Variants in ATXN1 observed in about 807,000 individuals in gnomAD.
ATXN1 encodes the protein ataxin 1, also known as ataxin-1.
In ATXN1, 8 loss-of-function variants were observed where a neutral mutation model predicts 56.4. The ratio of observed to expected loss-of-function variants is 0.14; its 90% CI spans 0.08 to 0.26. ATXN1 has a LOEUF of 0.26. Ranked by LOEUF, ATXN1 falls within the 10% of genes least tolerant of loss-of-function variation. The probability of loss-of-function intolerance (pLI) is 1.00; values close to 1 mark genes in which losing one functional copy is unlikely to be tolerated. For synonymous variants in ATXN1, 514 were observed against 494.6 expected (o/e 1.04, Z -0.52); for missense variants, 987 against 1,106.5 (o/e 0.89, Z 1.53).
intron 5 of ATXN1, among the ~76,000 whole-genome samples, chr6:16,517,691 A>ATT (rs1453337246): frequency 6.6e-6 from 1 of 152,322 alleles, no homozygotes; most frequent in East Asian, 1.9e-4. Flanking sequence ...AGTACATACA[A>ATT]ATACATATGC....
intron 2 of ATXN1, among the ~76,000 whole-genome samples, chr6:16,750,508 G>A (rs1760678101): frequency 6.6e-6 from 1 of 152,156 alleles, no homozygotes; most frequent in Admixed American, 6.5e-5. Context: ...TCAATCGTGA[G>A]GACTGTAATG....
chr6:16,540,086 A>G (rs1761683201), intron 4 of ATXN1, among the ~76,000 whole-genome samples: 1 of 152,216 alleles, frequency 6.6e-6, no homozygotes, highest in South Asian at 2.1e-4. Context: ...TGGGGAAGAG[A>G]AAACTGGAAG....
chr6:16,707,777 A>G (rs1395188467), intron 2 of ATXN1, among the ~76,000 whole-genome samples: 1 of 152,130 alleles, frequency 6.6e-6, no homozygotes, highest in Non-Finnish European at 1.5e-5. Flanking sequence ...AATTACTGAT[A>G]ATTTTTAGAC....
At position 16,616,547 on chromosome 6, in the gene ATXN1, A is replaced by ATATATAATATATTTTATATATAG. The variant is rs994785944; in HGVS notation, c.-488-30663_-488-30641dup. On this transcript the variant is annotated intron_variant, in intron 3 of 7. Transcript: ENST00000436367. ...AGAAGGAGACTGTGTCTCAAAAAAT[A>ATATATAATATATTTTATATATAG]TATATAATATATTTTATATATAGTA... 3.4e-5 allele frequency among the ~76,000 whole-genome samples: 5 copies of ATATATAATATATTTTATATATAG among 146,464 alleles called. No individual in the cohort carries two copies. The East Asian group carries it at 7.8e-4, about 23-fold the overall frequency.
intron 2 of ATXN1, among the ~76,000 whole-genome samples, chr6:16,674,100 C>T (rs1276600506): frequency 6.6e-6 from 1 of 152,056 alleles, no homozygotes; most frequent in Non-Finnish European, 1.5e-5. Context: ...TCAAATGAGT[C>T]TCCCAAGGAT....
intron 2 of ATXN1, among the ~76,000 whole-genome samples, chr6:16,751,050 C>T (rs1203856231): frequency 6.6e-6 from 1 of 150,716 alleles, no homozygotes; most frequent in East Asian, 2.0e-4. Context: ...CTCACTGCAA[C>T]CTCTGCCTCC....
chr6:16,758,483 T>C (rs1405877090), intron 1 of ATXN1, among the ~76,000 whole-genome samples: 1 of 152,236 alleles, frequency 6.6e-6, no homozygotes, highest in Non-Finnish European at 1.5e-5. Flanking sequence ...AACAGCTTGT[T>C]GGTCTCCTTT....
At chr6:16,612,452 G>A (rs1280753692) in intron 3 of ATXN1, among the ~76,000 whole-genome samples, 3 of 152,028 alleles carry the variant, frequency 2.0e-5, no homozygotes, top group African/African-American at 7.2e-5. Flanking sequence ...GAGTATAAAA[G>A]ATAATAAATT....
intron 2 of ATXN1, among the ~76,000 whole-genome samples, chr6:16,744,930 A>T (rs1760473793): frequency 6.6e-6 from 1 of 152,238 alleles, no homozygotes; most frequent in African/African-American, 2.4e-5. Context: ...TGTAGCAAAT[A>T]GGACTTTTTA....
chr6:16,444,884 A>C (rs1316747721), intron 6 of ATXN1, among the ~76,000 whole-genome samples: 1 of 152,210 alleles, frequency 6.6e-6, no homozygotes, highest in Non-Finnish European at 1.5e-5. Context: ...AAAGCAAACA[A>C]AACAATGCCT....
In ATXN1 at chr6:16,642,748, A is replaced by G. The variant is rs981453924; in HGVS notation, c.-489+15028T>C. ...GCAGCCATCAACGTAAAGACCCTTT[A>G]CCAACAAAACGATTATGGTTCAATG... On this transcript the variant is annotated intron_variant, in intron 3 of 7. Transcript: ENST00000436367. Among the ~76,000 whole-genome samples, 5 of 152,366 alleles carry G rather than the reference A, an allele frequency of 3.3e-5. No individual in the cohort carries two copies. In the East Asian group the frequency reaches 9.6e-4, roughly 29 times the overall value.
chr6:16,559,581 T>C (rs1165419895), intron 4 of ATXN1, among the ~76,000 whole-genome samples: 2 of 152,184 alleles, frequency 1.3e-5, no homozygotes, highest in Non-Finnish European at 2.9e-5. Flanking sequence ...TATTTTTGCT[T>C]ATATAATCAT....
rs566775793 is a variant in ATXN1 at position 16,404,701 on chromosome 6, C to T, written c.-160-76231G>A. Among the ~76,000 whole-genome samples, 135 of 132,140 alleles carry T rather than the reference C, an allele frequency of 1.0e-3. 1 individual carries two copies. The highest frequency in any genetic ancestry group is 4.2e-4 in the Admixed American group (6 of 14,376). The allele number at this position is 132,140 out of a possible 152,430, so 86.7% of individuals were successfully genotyped here. ...ACGCACATGCACGCGCACTCGCGCG[C>T]GCGCACACACGCACACACACTCCAC... is the stretch of plus-strand genomic sequence containing the variant. On this transcript the variant is annotated intron_variant, in intron 6 of 7. Transcript: ENST00000436367.
intron 5 of ATXN1, among the ~76,000 whole-genome samples, chr6:16,497,683 G>A (rs143237604): frequency 6.6e-6 from 1 of 152,256 alleles, no homozygotes; most frequent in African/African-American, 2.4e-5. Flanking sequence ...CTGGTGGCAG[G>A]GCCATGCTGG....
At chr6:16,407,719 C>T (rs1448126521) in intron 6 of ATXN1, among the ~76,000 whole-genome samples, 1 of 152,100 alleles carries the variant, frequency 6.6e-6, no homozygotes, top group African/African-American at 2.4e-5. Flanking sequence ...AGCTAGAAGC[C>T]CCATTGGAGG....
chr6:16,600,645 A>G (rs1486405488), intron 3 of ATXN1, among the ~76,000 whole-genome samples: 1 of 152,240 alleles, frequency 6.6e-6, no homozygotes, highest in African/African-American at 2.4e-5. Context: ...AAATTAAAAA[A>G]TTGCTATCTA....
intron 2 of ATXN1, among the ~76,000 whole-genome samples, chr6:16,669,647 TCTGAA>T (rs1384102442): frequency 3.3e-5 from 5 of 150,608 alleles, no homozygotes; most frequent in South Asian, 2.1e-4. Context: ...CCTATTGCTC[TCTGAA>T]CTGAACTGAA....
At chr6:16,358,020 G>A (rs1761726327) in intron 6 of ATXN1, among the ~76,000 whole-genome samples, 1 of 152,160 alleles carries the variant, frequency 6.6e-6, no homozygotes, top group Non-Finnish European at 1.5e-5. Flanking sequence ...GTACCCGGGA[G>A]GGAAGCTGAC....
intron 5 of ATXN1, among the ~76,000 whole-genome samples, chr6:16,521,817 G>A (rs1294120424): frequency 2.6e-5 from 4 of 152,172 alleles, no homozygotes; most frequent in East Asian, 3.8e-4. Flanking sequence ...TGGAAAGGGC[G>A]CAGAAGAAAA....
Sources: allele counts gnomAD v4.1 joint callset (sites outside exome capture counted in the v4.1 genomes callset), GRCh38; gene constraint gnomAD v4.1.1; transcripts MANE v1.5; gene names NCBI Gene and HGNC (gene_info 2026-07-23, HGNC 2026-07-21).